The following CCDC178 variants were observed in gnomAD, a reference collection of about 807,000 sequenced individuals.
CCDC178 encodes the protein coiled-coil domain containing 178, also known as coiled-coil domain-containing protein 178.
Under a neutral mutation model 117.4 loss-of-function variants are expected in CCDC178, and 126 were observed. That is an observed-to-expected ratio of 1.07 (90% CI 0.93 to 1.24). CCDC178 has a LOEUF of 1.24. CCDC178 is among the 50% of genes most tolerant of loss of function. CCDC178 has a pLI of 0.00. For synonymous variants in CCDC178, 283 were observed against 313.4 expected (o/e 0.90, Z 1.02); for missense variants, 1,030 against 986.9 (o/e 1.04, Z -0.59).
intron 11 of CCDC178, among the ~76,000 whole-genome samples, chr18:33,319,125 T>C (rs1374034551): frequency 2.0e-5 from 3 of 152,124 alleles, no homozygotes; most frequent in Non-Finnish European, 4.4e-5. Flanking sequence ...ATGTGCCATG[T>C]TGGTGTGCTG....
At chr18:33,017,260 A>C (rs964814741) in intron 21 of CCDC178, among the ~76,000 whole-genome samples, 1 of 151,950 alleles carries the variant, frequency 6.6e-6, no homozygotes, top group African/African-American at 2.4e-5. Context: ...GCAAGATTGA[A>C]GGGTACAAGA....
In CCDC178 at chr18:33,141,230, A is replaced by G. The variant is rs534092353; in HGVS notation, c.2239-48320T>C. On this transcript the variant is annotated intron_variant, in intron 20 of 22. Transcript: ENST00000383096. ...AAAGGTATGGGCGATTGAAATTCAG[A>G]AAAGCACACAGAAGGGAGACACGGA... Among the ~76,000 whole-genome samples the G allele has an allele frequency of 5.3e-5, 8 of 152,350 alleles. No homozygotes were observed. The East Asian group carries it at 1.3e-3, about 26-fold the overall frequency.
chr18:33,134,878 A>G (rs1051247541), intron 20 of CCDC178, among the ~76,000 whole-genome samples: 1 of 152,122 alleles, frequency 6.6e-6, no homozygotes, highest in African/African-American at 2.4e-5. Flanking sequence ...TGGCAAACCA[A>G]TGAGCAAGTG....
At chr18:33,261,099 G>T (rs113793263) in intron 14 of CCDC178, among the ~76,000 whole-genome samples, 10,162 of 149,706 alleles carry the variant, frequency 0.068, 505 homozygotes, top group African/African-American at 0.14. Context: ...TTGTTTGTTT[G>T]TTGAGACACA....
At chr18:33,197,526 G>T (rs1461302414) in intron 20 of CCDC178, among the ~76,000 whole-genome samples, 2 of 151,704 alleles carry the variant, frequency 1.3e-5, no homozygotes, top group Non-Finnish European at 2.9e-5. Context: ...GTGATTATGA[G>T]AAAGTCTTGT....
At chr18:33,436,638 G>T (rs2064295068) in intron 2 of CCDC178, among the ~76,000 whole-genome samples, 1 of 152,178 alleles carries the variant, frequency 6.6e-6, no homozygotes, top group Non-Finnish European at 1.5e-5. Flanking sequence ...TTGTAACCAT[G>T]GGTCCATGAA....
intron 20 of CCDC178, among the ~76,000 whole-genome samples, chr18:33,112,199 A>C (rs1363160335): frequency 1.3e-5 from 2 of 151,792 alleles, no homozygotes; most frequent in Non-Finnish European, 2.9e-5. Flanking sequence ...TTTTATTCTA[A>C]ACAAAGCTCC....
chr18:33,324,137 T>C (rs2062554679), intron 10 of CCDC178, among the ~76,000 whole-genome samples: 1 of 151,874 alleles, frequency 6.6e-6, no homozygotes, highest in Non-Finnish European at 1.5e-5. Flanking sequence ...ATCTCCTCTT[T>C]TACTAATTAT....
intron 20 of CCDC178, among the ~76,000 whole-genome samples, chr18:33,131,737 A>G (rs1263110895): frequency 6.6e-6 from 1 of 151,716 alleles, no homozygotes. Flanking sequence ...ACTTAACCTT[A>G]CTGAGCTTCA....
At chr18:33,319,084 C>T (rs2062463860) in intron 11 of CCDC178, among the ~76,000 whole-genome samples, 1 of 152,014 alleles carries the variant, frequency 6.6e-6, no homozygotes, top group Admixed American at 6.6e-5. Flanking sequence ...GGTACATGTG[C>T]ACAACGTGTA....
At chr18:33,395,301 T>A (rs1377335821) in intron 4 of CCDC178, among the ~76,000 whole-genome samples, 1 of 151,888 alleles carries the variant, frequency 6.6e-6, no homozygotes, top group Non-Finnish European at 1.5e-5. Context: ...CCAGAGAGTA[T>A]AAGCTTCAAC....
At position 33,295,385 on chromosome 18, in the gene CCDC178, C is replaced by A. The variant is rs369230225; in HGVS notation, c.1023-2073G>T. ...AAATTTCTTTGTGACAGGATTAGGGCAAGATTTCTTGTGTGTGACACCAAG... is the reference window on the plus strand; with the variant it reads ...AAATTTCTTTGTGACAGGATTAGGGAAAGATTTCTTGTGTGTGACACCAAG... On this transcript the variant is annotated intron_variant, in intron 11 of 22. Coordinates refer to ENST00000383096, the MANE Select transcript of CCDC178 (RefSeq NM_001105528.4). Among the ~76,000 whole-genome samples, 122 of 151,960 alleles carry A rather than the reference C, an allele frequency of 8.0e-4. No individual in the cohort carries two copies. The South Asian group carries it at 0.011, about 13-fold the overall frequency.
rs764792351 is a variant in CCDC178, at chr18:32,938,079, T to C, written c.2536A>G (p.Asn846Asp). ...AAACCTAAGATGTGTTGCATTAAATTTGAAGATTCCTCCTGTTCAGAAGCA... is the reference window on the plus strand; with the variant it reads ...AAACCTAAGATGTGTTGCATTAAATCTGAAGATTCCTCCTGTTCAGAAGCA... ...KILAVQEESSNLMQHILGFFQ... is the reference protein window; with the variant it reads ...KILAVQEESSDLMQHILGFFQ... Residue 846 changes from asparagine (N) to aspartate (D), a missense_variant, in exon 23 of 23, where the codon AAT becomes GAT. Coordinates refer to ENST00000383096, the MANE Select transcript of CCDC178 (RefSeq NM_001105528.4). The C allele has an allele frequency of 1.9e-6, 3 of 1,613,006 alleles. No individual in the cohort carries two copies. The South Asian group carries it at 3.3e-5, about 18-fold the overall frequency.
intron 21 of CCDC178, among the ~76,000 whole-genome samples, chr18:33,006,467 C>T (rs996968327): frequency 2.0e-5 from 3 of 151,958 alleles, no homozygotes; most frequent in Non-Finnish European, 4.4e-5. Flanking sequence ...TCAGTCATAA[C>T]AGTTTACATT....
intron 6 of CCDC178, among the ~76,000 whole-genome samples, chr18:33,367,401 T>C (rs1165859499): frequency 1.3e-5 from 2 of 152,120 alleles, no homozygotes; most frequent in African/African-American, 4.8e-5. Context: ...AAATATTAGA[T>C]GCTATTAGCT....
intron 12 of CCDC178, among the ~76,000 whole-genome samples, chr18:33,273,679 T>C (rs1461819285): frequency 2.0e-5 from 3 of 151,630 alleles, no homozygotes; most frequent in African/African-American, 7.3e-5. Flanking sequence ...AACAAATGAA[T>C]TTGAACTTCT....
At chr18:33,288,263 CCCT>C (rs1189236063) in intron 12 of CCDC178, among the ~76,000 whole-genome samples, 3 of 123,026 alleles carry the variant, frequency 2.4e-5, no homozygotes, top group African/African-American at 9.6e-5. Flanking sequence ...CCCTTCCCTC[CCCT>C]CCTCTCCCTT....
intron 2 of CCDC178, among the ~76,000 whole-genome samples, chr18:33,418,746 C>T (rs1291719894): frequency 6.6e-6 from 1 of 152,064 alleles, no homozygotes; most frequent in Non-Finnish European, 1.5e-5. Flanking sequence ...TTCACAATAA[C>T]CACACACAAA....
intron 15 of CCDC178, among the ~76,000 whole-genome samples, chr18:33,232,582 G>A (rs904197797): frequency 2.3e-4 from 35 of 152,158 alleles, no homozygotes; most frequent in African/African-American, 7.7e-4. Context: ...GCATTATTAG[G>A]AAACATTTTG....
Sources: gnomAD v4.1 joint callset for allele counts (sites outside exome capture counted in the v4.1 genomes callset) on GRCh38, gnomAD v4.1.1 for gene constraint, MANE v1.5 for transcripts, NCBI Gene and HGNC (gene_info 2026-07-23, HGNC 2026-07-21) for gene names.